Variants in TXNRD1 observed in about 807,000 individuals in gnomAD.
TXNRD1 encodes thioredoxin reductase 1.
A neutral mutation model predicts 80.3 loss-of-function variants in TXNRD1; 57 were observed. That is an observed-to-expected ratio of 0.71 (90% CI 0.57 to 0.89). The LOEUF (loss-of-function observed/expected upper bound fraction) is 0.89. Ranked by LOEUF, TXNRD1 falls within the 40% of genes least tolerant of loss-of-function variation. The probability of loss-of-function intolerance (pLI) is 0.00; values close to 1 mark genes in which losing one functional copy is unlikely to be tolerated. For synonymous variants in TXNRD1, 291 were observed against 285.2 expected, an observed-to-expected ratio of 1.02 and a Z score of -0.20; for missense variants, 730 against 803.0, an observed-to-expected ratio of 0.91 and a Z score of 1.10.
At chr12:104,326,467 T>TTTA (rs1027975632) in intron 12 of TXNRD1, 44 bp downstream of exon 12, 3 of 1,261,554 alleles carry the variant, frequency 2.4e-6, no homozygotes, top group Non-Finnish European at 3.3e-6. Flanking sequence ...GGGATTTTTT[T>TTTA]TTTTTTTTTT....
At chr12:104,278,879 TTC>T (rs1329625029) in intron 3 of TXNRD1, among the ~76,000 whole-genome samples, 9 of 152,346 alleles carry the variant, frequency 5.9e-5, no homozygotes, top group African/African-American at 1.9e-4. Flanking sequence ...AAGCTTTTTT[TTC>T]TCCTTTTCTC....
At chr12:104,304,986 G>A (rs757317328) in intron 4 of TXNRD1, 3 of 1,507,802 alleles carry the variant, frequency 2.0e-6, no homozygotes, top group African/African-American at 2.8e-5. Flanking sequence ...GAAGTTAGAT[G>A]GAGAGTAAAA....
intron 1 of TXNRD1, among the ~76,000 whole-genome samples, chr12:104,235,484 G>A (rs929710831): frequency 6.6e-6 from 1 of 152,152 alleles, no homozygotes; most frequent in African/African-American, 2.4e-5. Context: ...CCAGCAAAGG[G>A]AACCCAGAAG....
intron 1 of TXNRD1, among the ~76,000 whole-genome samples, chr12:104,237,193 C>T (rs2032758773): frequency 6.6e-6 from 1 of 152,170 alleles, no homozygotes; most frequent in African/African-American, 2.4e-5. Context: ...TATCAAATTA[C>T]TTCACATTGT....
chr12:104,251,786 C>A, intron 2 of TXNRD1, 108 bp downstream of exon 2: 3 of 1,332,286 alleles, frequency 2.3e-6, no homozygotes, highest in Non-Finnish European at 3.1e-6. Context: ...TGTATGTAGG[C>A]TGGGCGCGGT....
In TXNRD1 at chr12:104,348,299, G is replaced by A. The variant is rs532459550; in HGVS notation, c.1882-54G>A. 331 of 1,564,324 alleles carry A rather than the reference G, an allele frequency of 2.1e-4. 1 individual carries two copies. In the South Asian group the frequency reaches 3.4e-3, roughly 16 times the overall value. On this transcript the variant is annotated intron_variant, in intron 16 of 16. Transcript: ENST00000525566. ...TATGGCATTATCTGAACTGTTCCCT[G>A]TTACCTCATTTGCTCAGGCATCTGA...
At chr12:104,222,539 A>G (rs1236550099) in intron 1 of TXNRD1, among the ~76,000 whole-genome samples, 1 of 152,244 alleles carries the variant, frequency 6.6e-6, no homozygotes, top group African/African-American at 2.4e-5. Flanking sequence ...AAAGCTGGTT[A>G]ATGTCTCACA....
At chr12:104,323,840 C>A (rs952095101) in intron 10 of TXNRD1, among the ~76,000 whole-genome samples, 7 of 150,538 alleles carry the variant, frequency 4.6e-5, no homozygotes, top group African/African-American at 1.7e-4. Flanking sequence ...CGGACGGGGA[C>A]CTATATACAA....
At chr12:104,220,521 C>T (rs1003020292) in intron 1 of TXNRD1, among the ~76,000 whole-genome samples, 2 of 151,910 alleles carry the variant, frequency 1.3e-5, no homozygotes, top group African/African-American at 4.8e-5. Flanking sequence ...GTCAGGAGTT[C>T]GAGACCAGTC....
chr12:104,304,082 T>C, intron 4 of TXNRD1: 2 of 1,613,946 alleles, frequency 1.2e-6, no homozygotes, highest in Non-Finnish European at 1.7e-6. Context: ...GCTCATGTAC[T>C]GCGTGCGGCA....
chr12:104,229,107 T>C (rs1383327996), intron 1 of TXNRD1, among the ~76,000 whole-genome samples: 2 of 151,994 alleles, frequency 1.3e-5, no homozygotes, highest in East Asian at 3.9e-4. Flanking sequence ...GCCTACTTTC[T>C]GTCTCTATAG....
chr12:104,298,599 G>A (rs1027110719), intron 4 of TXNRD1, among the ~76,000 whole-genome samples: 1 of 151,770 alleles, frequency 6.6e-6, no homozygotes, highest in African/African-American at 2.4e-5. Flanking sequence ...TGGCACACAC[G>A]TGTAATCCCA....
chr12:104,302,142 G>GT (rs1477679573), intron 4 of TXNRD1, among the ~76,000 whole-genome samples: 1 of 152,142 alleles, frequency 6.6e-6, no homozygotes, highest in Non-Finnish European at 1.5e-5. Context: ...AATGCATGGT[G>GT]TTTTGAAAAA....
At chr12:104,238,948 G>A (rs1036689354) in intron 1 of TXNRD1, among the ~76,000 whole-genome samples, 1 of 152,074 alleles carries the variant, frequency 6.6e-6, no homozygotes, top group East Asian at 1.9e-4. Context: ...CCGGGTTCAA[G>A]TGATTCTCCT....
At position 104,304,659 on chromosome 12, in the gene TXNRD1, A is replaced by G. The variant is rs77135236; in HGVS notation, c.415-6631A>G. 2.0e-3 allele frequency: 3,172 copies of G among 1,613,982 alleles called. 12 individuals are homozygous for G. Among genetic ancestry groups the G allele is most frequent in the Middle Eastern group, 4.5e-3 (27 of 6,062 alleles). ...AAGTATCCTGATACTCCTGTGTCCT[A>G]TTTTGAGTTTGTGATTGATCCAAAC... On this transcript the variant is annotated intron_variant, in intron 4 of 16. Transcript: ENST00000525566.
rs544276233 is a variant in TXNRD1, at chr12:104,290,893, G to T, written c.414+1853G>T. ...GTTTTAATGGCAATGGGAGTAAAAA[G>T]AGTCACTCTTTTTATAAGCTTTGGA... On this transcript the variant is annotated intron_variant, in intron 4 of 16. Coordinates refer to ENST00000525566, the MANE Select transcript of TXNRD1 (RefSeq NM_001093771.3). 2.7e-5 allele frequency: 15 copies of T among 549,224 alleles called. No homozygotes were observed. In the South Asian group the frequency reaches 3.5e-4, roughly 13 times the overall value. The allele number at this position is 549,224 out of a possible 1,614,324, so 34.0% of individuals were successfully genotyped here.
intron 16 of TXNRD1, among the ~76,000 whole-genome samples, chr12:104,339,689 G>T (rs777592928): frequency 9.2e-5 from 14 of 152,198 alleles, no homozygotes; most frequent in Admixed American, 2.0e-4. Flanking sequence ...AAGATCAAAT[G>T]ACAGTAGAAC....
chr12:104,287,137 C>T lies in TXNRD1; in HGVS notation c.305-1794C>T, dbSNP rs976228939. ...AAGCTCTGCGTCGGGTGAAACCAGA[C>T]AAAGCCGCGAGCCCAGGGATGGGAG... On this transcript the variant is annotated intron_variant, in intron 3 of 16. Transcript: ENST00000525566. The T allele has an allele frequency of 3.0e-5, 45 of 1,522,614 alleles. 1 individual carries two copies. Among genetic ancestry groups the T allele is most frequent in the Non-Finnish European group, 3.6e-5 (41 of 1,143,306 alleles). The allele number at this position is 1,522,614 out of a possible 1,614,324, so 94.3% of individuals were successfully genotyped here. A position where few individuals can be genotyped will look rare whatever the true frequency, so the allele number is the denominator to read the frequency against.
intron 1 of TXNRD1, among the ~76,000 whole-genome samples, chr12:104,237,590 A>G (rs1046093130): frequency 3.3e-5 from 5 of 152,262 alleles, no homozygotes; most frequent in African/African-American, 1.2e-4. Context: ...GTTTCACCCT[A>G]AAGCCAGTAA....
Sources: gnomAD v4.1 joint callset for allele counts (sites outside exome capture counted in the v4.1 genomes callset) on GRCh38, gnomAD v4.1.1 for gene constraint, MANE v1.5 for transcripts, NCBI Gene and HGNC (gene_info 2026-07-23, HGNC 2026-07-21) for gene names.